Variants in TXNRD2 observed in about 807,000 individuals in gnomAD.
TXNRD2 encodes the protein thioredoxin reductase 2.
TXNRD2 carries 67 observed loss-of-function variants against 70.8 expected under a neutral mutation model. The ratio of observed to expected loss-of-function variants is 0.95; its 90% CI spans 0.78 to 1.16. The LOEUF (loss-of-function observed/expected upper bound fraction) is 1.16, where lower values mean the gene tolerates loss of function less well. TXNRD2 is among the 50% of genes most tolerant of loss of function. The probability of loss-of-function intolerance (pLI) is 0.00; values close to 1 mark genes in which losing one functional copy is unlikely to be tolerated. For synonymous variants in TXNRD2, 301 were observed against 295.8 expected, an observed-to-expected ratio of 1.02 and a Z score of -0.18; for missense variants, 644 against 719.9, an observed-to-expected ratio of 0.89 and a Z score of 1.21.
At position 19,895,508 on chromosome 22, in the gene TXNRD2, C is replaced by G; in HGVS notation, c.848G>C (p.Arg283Pro). 1 of 1,613,906 alleles carries G rather than the reference C, an allele frequency of 6.2e-7. No individual in the cohort carries two copies. The highest frequency in any genetic ancestry group is 8.5e-7 in the Non-Finnish European group (1 of 1,180,024). Residue 283 changes from arginine to proline, a missense_variant, in exon 11 of 18, where the codon CGG becomes CCG. By Grantham distance (103) the Arg-to-Pro change is moderately radical. Around this residue, in one of 3 missense-constraint regions of TXNRD2, gnomAD observed 566 missense variants for 645.0 expected, o/e 0.88. Transcript: ENST00000400521. ...TRFLRGCAPS[R>P]VRRLPDGQLQ... is the part of the protein sequence containing the mutation. ...CTGGCCATCAGGGAGCCTCCTGACC[C>G]GCGAGGGGGCACAGCCCCTCAGGAA...
intron 2 of TXNRD2, among the ~76,000 whole-genome samples, chr22:19,930,482 C>T (rs1161059414): frequency 1.3e-5 from 2 of 152,146 alleles, no homozygotes; most frequent in East Asian, 1.9e-4. Context: ...CCTCTGGGTC[C>T]AGCCCGTTCG....
At chr22:19,921,989 C>T (rs75840266) in intron 2 of TXNRD2, among the ~76,000 whole-genome samples, 3,307 of 152,214 alleles carry the variant, frequency 0.022, 124 homozygotes, top group African/African-American at 0.075. Context: ...TGCAGAAGAC[C>T]CAAAAGGATC....
chr22:19,923,193 A>C (rs7289747), intron 2 of TXNRD2, among the ~76,000 whole-genome samples: 7,913 of 152,192 alleles, frequency 0.052, 255 homozygotes, highest in Non-Finnish European at 0.067. Context: ...ACTCTTAACT[A>C]TCTCCACCCC....
At chr22:19,930,952 C>A (rs1025958840) in intron 2 of TXNRD2, 78 bp downstream of exon 2, 6 of 1,377,812 alleles carry the variant, frequency 4.4e-6, no homozygotes, top group Admixed American at 3.4e-5. Context: ...TGCTCATGGA[C>A]GTTTTCTGGA....
chr22:19,905,338 A>C (rs1405690085), intron 8 of TXNRD2, among the ~76,000 whole-genome samples: 2 of 152,120 alleles, frequency 1.3e-5, no homozygotes, highest in African/African-American at 4.8e-5. Context: ...AATCTTCTAA[A>C]TGTTTTTTTT....
intron 17 of TXNRD2, chr22:19,876,444 G>C (rs1938510375): frequency 1.3e-5 from 2 of 152,450 alleles, no homozygotes; most frequent in South Asian, 4.1e-4. Flanking sequence ...TGGGGCAGAG[G>C]CCAGGAGCCC....
intron 12 of TXNRD2, 38 bp downstream of exon 12, chr22:19,883,287 C>T (rs1159251858): frequency 1.2e-6 from 2 of 1,606,442 alleles, no homozygotes; most frequent in Non-Finnish European, 1.7e-6. Flanking sequence ...GTGGAGCAGG[C>T]AGGGGCAGGG....
Position 19,898,083 on chromosome 22 carries a change from T to C in TXNRD2, c.730A>G (p.Thr244Ala). ...AGFLTGIGLD[T>A]TIMMRSIPLR... Reference sequence around the variant, plus strand: ...GGGATGCTGCGCATCATGATGGTGGTGTCCAGCCCAATCCCGGTGAGGAAG... The same window carrying C: ...GGGATGCTGCGCATCATGATGGTGGCGTCCAGCCCAATCCCGGTGAGGAAG... The change falls in exon 10 of 18, where the codon ACC (threonine) becomes GCC (alanine). Residue 244 changes from threonine (T) to alanine (A), a missense_variant. Thr to Ala is a moderately conservative substitution (Grantham distance 58, BLOSUM62 0). Transcript: ENST00000400521. The C allele has an allele frequency of 1.3e-6, 2 of 1,566,938 alleles. No individual in the cohort carries two copies. The highest frequency in any genetic ancestry group is 2.4e-5 in the East Asian group (1 of 41,850).
At chr22:19,933,427 T>C in intron 1 of TXNRD2, 1 of 1,289,130 alleles carries the variant, frequency 7.8e-7, no homozygotes, top group South Asian at 1.2e-5. Context: ...GCTCAGAACG[T>C]CCCTACCTTC....
In TXNRD2 at chr22:19,934,382, G is replaced by GAAAAAAAA. The variant is rs35669821; in HGVS notation, c.104-3292_104-3285dup. ...GTTAACAGAGTGAGACTCTGTCTCA[G>GAAAAAAAA]AAAAAAAAAAAAAAAAAAACTGCAC... On this transcript the variant is annotated intron_variant, in intron 1 of 17. Transcript: ENST00000400521. 1.2e-4 allele frequency among the ~76,000 whole-genome samples: 11 copies of GAAAAAAAA among 93,746 alleles called. No homozygotes were observed. The East Asian group carries it at 2.1e-3, about 18-fold the overall frequency. 61.5% of individuals were successfully genotyped at this position (93,746 alleles called of 152,430 possible).
At chr22:19,883,661 A>C in intron 11 of TXNRD2, 200 bp from the exon 12 acceptor site, 3 of 681,050 alleles carry the variant, frequency 4.4e-6, no homozygotes, top group Non-Finnish European at 7.5e-6. Flanking sequence ...AACATGATGA[A>C]ACCCTGTCTC....
At chr22:19,891,315 T>G in intron 11 of TXNRD2, 1 of 152,138 alleles carries the variant, frequency 6.6e-6, no homozygotes, top group East Asian at 1.9e-4. Flanking sequence ...GTTTAGCGAG[T>G]CCCCTCCTGT....
At chr22:19,892,040 C>CTG (rs953198106) in intron 11 of TXNRD2, among the ~76,000 whole-genome samples, 1 of 152,104 alleles carries the variant, frequency 6.6e-6, no homozygotes, top group Non-Finnish European at 1.5e-5. Flanking sequence ...TGGGCCCCTT[C>CTG]TGTGTGTGTG....
At chr22:19,883,954 A>AAAG (rs1555908016) in intron 11 of TXNRD2, 1 of 154,484 alleles carries the variant, frequency 6.5e-6, no homozygotes, top group African/African-American at 2.4e-5. Flanking sequence ...CAAAAAAAAA[A>AAAG]AAAGAAAGAA....
intron 11 of TXNRD2, among the ~76,000 whole-genome samples, chr22:19,885,717 G>A (rs370255461): frequency 1.9e-4 from 29 of 152,282 alleles, no homozygotes; most frequent in African/African-American, 3.4e-4. Flanking sequence ...GCTCCGTGCC[G>A]GAACAGAACA....
In TXNRD2 at chr22:19,941,705, T is replaced by TGCGCCCCGCGCC. The variant is rs766448975; in HGVS notation, c.87_98dup (p.Arg31_Ala34dup). 2.4e-5 allele frequency: 36 copies of TGCGCCCCGCGCC among 1,483,336 alleles called. No homozygotes were observed. Among genetic ancestry groups the TGCGCCCCGCGCC allele is most frequent in the Admixed American group, 4.5e-5 (2 of 44,118 alleles). The allele number at this position is 1,483,336 out of a possible 1,614,324, so 91.9% of individuals were successfully genotyped here. A position where few individuals can be genotyped will look rare whatever the true frequency, so the allele number is the denominator to read the frequency against. On this transcript the variant is annotated inframe_insertion, in exon 1 of 18. Transcript: ENST00000400521. The stretch of plus-strand genomic sequence containing the variant: ...GACGCCCCGACCCCATCCTACCTGC[T>TGCGCCCCGCGCC]GCGCCCCGCGCCGCGCCCCGCACCC...
At chr22:19,902,814 A>G (rs1455496264) in intron 8 of TXNRD2, among the ~76,000 whole-genome samples, 2 of 152,184 alleles carry the variant, frequency 1.3e-5, no homozygotes, top group African/African-American at 4.8e-5. Flanking sequence ...ACATCCCATC[A>G]CACCAGCGGA....
intron 7 of TXNRD2, among the ~76,000 whole-genome samples, chr22:19,912,515 C>T (rs989647527): frequency 6.6e-6 from 1 of 152,214 alleles, no homozygotes; most frequent in Admixed American, 6.5e-5. Flanking sequence ...CTCCCTGGTG[C>T]GGATGCACGT....
At chr22:19,933,443 C>T (rs1941437544) in intron 1 of TXNRD2, 2 of 1,289,760 alleles carry the variant, frequency 1.6e-6, no homozygotes, top group South Asian at 1.2e-5. Context: ...CCTTCCATGG[C>T]AGGTGCCTGT....
Sources: gnomAD v4.1 joint callset for allele counts (sites outside exome capture counted in the v4.1 genomes callset) on GRCh38, gnomAD v4.1.1 for gene constraint, gnomAD v4.1.1 regional missense constraint, MANE v1.5 for transcripts, NCBI Gene and HGNC (gene_info 2026-07-23, HGNC 2026-07-21) for gene names.